CUL1: variants seen among roughly 807,000 people sequenced by gnomAD.
CUL1 encodes cullin 1, also known as cullin-1.
CUL1 carries 24 observed loss-of-function variants against 118.0 expected under a neutral mutation model. The observed-to-expected ratio is 0.20, with a 90% CI of 0.15 to 0.29. The LOEUF (loss-of-function observed/expected upper bound fraction) is 0.29, where lower values mean the gene tolerates loss of function less well. Ranked by LOEUF, CUL1 falls within the 10% of genes least tolerant of loss-of-function variation. CUL1 has a pLI of 1.00. For missense variants in CUL1, 361 were observed against 933.8 expected (o/e 0.39, Z 7.99); for synonymous variants, 332 against 340.4 (o/e 0.98, Z 0.27).
intron 9 of CUL1, among the ~76,000 whole-genome samples, chr7:148,779,163 A>C (rs1226372479): frequency 6.6e-6 from 1 of 152,222 alleles, no homozygotes; most frequent in Non-Finnish European, 1.5e-5. Context: ...GGCCTTTAGA[A>C]TTATCCTTTT....
chr7:148,766,759 A>G (rs901798161), intron 8 of CUL1, 36 bp downstream of exon 8: 2 of 1,559,758 alleles, frequency 1.3e-6, no homozygotes, highest in Non-Finnish European at 1.7e-6. Flanking sequence ...AGGTATTTAT[A>G]ATTATCTGTA....
At chr7:148,798,228 T>G (rs1361041575) in intron 19 of CUL1, among the ~76,000 whole-genome samples, 1 of 152,184 alleles carries the variant, frequency 6.6e-6, no homozygotes, top group Non-Finnish European at 1.5e-5. Context: ...ATTTTTATTA[T>G]TTTGGCAAAT....
intron 2 of CUL1, among the ~76,000 whole-genome samples, chr7:148,748,168 G>C (rs1799363043): frequency 6.6e-6 from 1 of 152,160 alleles, no homozygotes; most frequent in Non-Finnish European, 1.5e-5. Context: ...AGTTAAAATA[G>C]AAAATACAAA....
intron 2 of CUL1, among the ~76,000 whole-genome samples, chr7:148,733,103 G>A (rs935052984): frequency 6.6e-6 from 1 of 152,014 alleles, no homozygotes; most frequent in Admixed American, 6.5e-5. Context: ...GTGGTGAGGC[G>A]GGTCTTAAGG....
intron 9 of CUL1, among the ~76,000 whole-genome samples, chr7:148,771,118 C>G (rs1800196455): frequency 6.6e-6 from 1 of 152,044 alleles, no homozygotes; most frequent in African/African-American, 2.4e-5. Context: ...TAATATCAGT[C>G]CCGTGTCTTT....
At position 148,783,266 on chromosome 7, in the gene CUL1, T is replaced by C. The variant is rs1029260491; in HGVS notation, c.1084-517T>C. ...CTCCGCCCCTCTTCCCGTCCTGCGA[T>C]GAGGCCCTGGCCCCCGGCATCGCCA... On this transcript the variant is annotated intron_variant, in intron 9 of 21. Coordinates refer to ENST00000325222, the MANE Select transcript of CUL1 (RefSeq NM_003592.3). 72 of 927,874 alleles carry C rather than the reference T, an allele frequency of 7.8e-5. No homozygotes were observed. In the African/African-American group the frequency reaches 1.2e-3, roughly 15 times the overall value. The allele number at this position is 927,874 out of a possible 1,614,324, so 57.5% of individuals were successfully genotyped here.
intron 2 of CUL1, among the ~76,000 whole-genome samples, chr7:148,749,519 T>C (rs1359615810): frequency 6.6e-6 from 1 of 150,656 alleles, no homozygotes; most frequent in Non-Finnish European, 1.5e-5. Flanking sequence ...CCGACAAGCC[T>C]CTGGCAAAAT....
At chr7:148,739,237 A>G (rs1386203028) in intron 2 of CUL1, among the ~76,000 whole-genome samples, 1 of 152,244 alleles carries the variant, frequency 6.6e-6, no homozygotes, top group African/African-American at 2.4e-5. Flanking sequence ...GATCTCCCTC[A>G]GGCAGCTTCT....
chr7:148,798,820 C>G (rs1434374618), intron 20 of CUL1, 143 bp downstream of exon 20: 14 of 718,020 alleles, frequency 1.9e-5, no homozygotes, highest in Non-Finnish European at 3.2e-5. Flanking sequence ...GTGGCAAGGC[C>G]GAGAGCCAGG....
intron 9 of CUL1, among the ~76,000 whole-genome samples, chr7:148,768,226 G>A (rs1199406164): frequency 6.6e-6 from 1 of 152,042 alleles, no homozygotes; most frequent in Non-Finnish European, 1.5e-5. Flanking sequence ...GAATATTCCT[G>A]CTAGGTCATC....
intron 1 of CUL1, among the ~76,000 whole-genome samples, chr7:148,710,820 T>C (rs746456139): frequency 4.4e-4 from 67 of 152,048 alleles, no homozygotes; most frequent in Middle Eastern, 3.4e-3. Context: ...CCCACCACCA[T>C]GCCCGGCTAA....
chr7:148,766,641 A>T lies in CUL1; in HGVS notation c.870A>T (p.Lys290Asn), dbSNP rs943242578. The T allele has an allele frequency of 6.2e-7, 1 of 1,613,802 alleles. No individual in the cohort carries two copies. The highest frequency in any genetic ancestry group is 1.3e-5 in the African/African-American group (1 of 74,926). The change falls in exon 8 of 22, where the codon AAA (lysine) becomes AAT (asparagine). Residue 290 changes from lysine (K) to asparagine (N), a missense_variant. Around this residue, in one of 7 missense-constraint regions of CUL1, gnomAD observed 169 missense variants for 429.7 expected, o/e 0.39. Coordinates refer to ENST00000325222, the MANE Select transcript of CUL1 (RefSeq NM_003592.3). The part of the protein sequence containing the change: ...HESTQDELAR[K>N]CEQVLIEKHL... ...GCACACAAGATGAATTAGCAAGGAA[A>T]TGTGAACAAGTCCTCATTGAAAAAC... is the stretch of plus-strand genomic sequence containing the variant.
At chr7:148,710,986 A>T (rs900900447) in intron 1 of CUL1, among the ~76,000 whole-genome samples, 6 of 151,992 alleles carry the variant, frequency 3.9e-5, no homozygotes, top group African/African-American at 1.5e-4. Flanking sequence ...CTCCTTTATT[A>T]TAGGTATGGC....
At chr7:148,798,084 G>A (rs189389121) in intron 19 of CUL1, 65 bp downstream of exon 19, 54 of 935,834 alleles carry the variant, frequency 5.8e-5, no homozygotes, top group Admixed American at 3.9e-4. Flanking sequence ...GCCCTAGCAC[G>A]GATCTCAGTA....
At chr7:148,715,297 T>C (rs562388327) in intron 1 of CUL1, among the ~76,000 whole-genome samples, 4 of 152,342 alleles carry the variant, frequency 2.6e-5, no homozygotes, top group African/African-American at 9.6e-5. Context: ...CTTCTCACCA[T>C]CGTGTTGAGC....
At chr7:148,789,613 A>G in intron 14 of CUL1, 137 bp from the exon 15 acceptor site, 1 of 706,392 alleles carries the variant, frequency 1.4e-6, no homozygotes, top group South Asian at 1.8e-5. Context: ...TTAATTTTAT[A>G]TTCAAGCAGG....
chr7:148,725,686 G>C (rs1330832945), intron 1 of CUL1, among the ~76,000 whole-genome samples: 1 of 152,224 alleles, frequency 6.6e-6, no homozygotes, highest in East Asian at 1.9e-4. Context: ...TGCCCAGCAT[G>C]TGTGTGACCT....
chr7:148,788,075 G>A (rs1295077206), intron 13 of CUL1, among the ~76,000 whole-genome samples: 2 of 152,156 alleles, frequency 1.3e-5, no homozygotes, highest in Non-Finnish European at 2.9e-5. Flanking sequence ...TTCTTGCAGT[G>A]CCTCACGTGT....
chr7:148,740,191 T>G (rs1799097448), intron 2 of CUL1, among the ~76,000 whole-genome samples: 1 of 152,118 alleles, frequency 6.6e-6, no homozygotes, highest in Non-Finnish European at 1.5e-5. Flanking sequence ...TAGCTGGGAT[T>G]ACAGACGCAC....
Sources: allele counts gnomAD v4.1 joint callset (sites outside exome capture counted in the v4.1 genomes callset), GRCh38; gene constraint gnomAD v4.1.1; regional missense constraint gnomAD v4.1.1; transcripts MANE v1.5; gene names NCBI Gene and HGNC (gene_info 2026-07-23, HGNC 2026-07-21).